Variants in DISP3 observed in about 807,000 individuals in gnomAD.
DISP3 encodes protein dispatched homolog 3.
Under a neutral mutation model 135.3 loss-of-function variants are expected in DISP3, and 101 were observed. The observed-to-expected ratio is 0.75, with a 90% CI of 0.64 to 0.88. The LOEUF (loss-of-function observed/expected upper bound fraction) is 0.88. Among genes scored for constraint, DISP3 ranks in the 40% least tolerant of loss-of-function variants. The pLI is 0.00. For synonymous variants in DISP3, 856 were observed against 817.0 expected (o/e 1.05, Z -0.81); for missense variants, 1,713 against 1,878.6 (o/e 0.91, Z 1.63).
chr1:11,492,792 T>G (rs1641226166), intron 1 of DISP3, among the ~76,000 whole-genome samples: 2 of 152,184 alleles, frequency 1.3e-5, no homozygotes, highest in South Asian at 4.1e-4. Context: ...CAGGATCTTC[T>G]TGCTGGGGAA....
At position 11,516,692 on chromosome 1, in the gene DISP3, T is replaced by G. The variant is rs1289282725; in HGVS notation, c.1749+531T>G. Among the ~76,000 whole-genome samples the G allele has an allele frequency of 1.4e-4, 21 of 152,306 alleles. No homozygotes were observed. The highest frequency in any genetic ancestry group is 4.1e-4 in the South Asian group (2 of 4,824). On this transcript the variant is annotated intron_variant, in intron 6 of 20. Transcript: ENST00000294484. This position sits in a 1 kb window ranked among gnomAD's most constrained non-coding sequence, Gnocchi z 5.1. Reference sequence around the variant, plus strand: ...AAGGCATTGAGCCCAGGCTGGGTCCTTGGTACAGAAAGACAGTGAATTGGC... The same window carrying G: ...AAGGCATTGAGCCCAGGCTGGGTCCGTGGTACAGAAAGACAGTGAATTGGC...
intron 10 of DISP3, among the ~76,000 whole-genome samples, chr1:11,522,390 G>A (rs935681807): frequency 2.0e-5 from 3 of 152,062 alleles, no homozygotes; most frequent in Admixed American, 6.5e-5. Flanking sequence ...CTCACACTTC[G>A]GAGCCAGCCC....
At chr1:11,489,320 A>G (rs960765173) in intron 1 of DISP3, among the ~76,000 whole-genome samples, 7 of 152,224 alleles carry the variant, frequency 4.6e-5, no homozygotes, top group Non-Finnish European at 1.0e-4. Flanking sequence ...CTCTGGACCC[A>G]CAGATTGTGG....
rs758298493 is a variant in DISP3 at position 11,531,041 on chromosome 1, G to A, written c.3229+8G>A. The A allele has an allele frequency of 1.2e-6, 2 of 1,613,208 alleles. No individual in the cohort carries two copies. Among genetic ancestry groups the A allele is most frequent in the East Asian group, 4.5e-5 (2 of 44,876 alleles). On this transcript the variant is annotated splice_region_variant and intron_variant, in intron 16 of 20. Transcript: ENST00000294484. This position sits in a 1 kb window ranked among gnomAD's most constrained non-coding sequence, Gnocchi z 5.2. ...CCCAGTGCCTGCCTTCAGGTGCGTG[G>A]GGTGTGGGGAGCTGGTTCCTCCGAG...
chr1:11,496,584 T>C (rs1049136431), intron 1 of DISP3, among the ~76,000 whole-genome samples: 1 of 152,220 alleles, frequency 6.6e-6, no homozygotes, highest in Admixed American at 6.5e-5. Context: ...CTGGAGCTCC[T>C]TGCTAAGCTA....
At position 11,499,649 on chromosome 1, in the gene DISP3, C is replaced by A. The variant is rs1041358830; in HGVS notation, c.-3-1341C>A. ...CCTCTCCCCCACATCCTCAGTCATT[C>A]TTCCTTTCTGTTTCTTCTTTTGTTT... On this transcript the variant is annotated intron_variant, in intron 1 of 20. Transcript: ENST00000294484. This position sits in a 1 kb window ranked among gnomAD's most constrained non-coding sequence, Gnocchi z 5.2. Among the ~76,000 whole-genome samples the A allele has an allele frequency of 6.6e-6, 1 of 152,092 alleles. No individual in the cohort carries two copies. The highest frequency in any genetic ancestry group is 1.5e-5 in the Non-Finnish European group (1 of 68,014).
intron 1 of DISP3, 105 bp downstream of exon 1, chr1:11,479,477 C>G (rs1640831233): frequency 6.6e-6 from 1 of 152,350 alleles, no homozygotes; most frequent in Non-Finnish European, 1.5e-5. Context: ...CCCCGACCTG[C>G]TTGGCGCCGC....
At chr1:11,503,884 A>G (rs1200349656) in intron 3 of DISP3, among the ~76,000 whole-genome samples, 1 of 152,164 alleles carries the variant, frequency 6.6e-6, no homozygotes, top group Non-Finnish European at 1.5e-5. Context: ...TGGAGTCACT[A>G]AGAGATGAGC....
chr1:11,484,477 C>T (rs1451286823), intron 1 of DISP3, among the ~76,000 whole-genome samples: 1 of 152,226 alleles, frequency 6.6e-6, no homozygotes, highest in Admixed American at 6.5e-5. Context: ...TCTGCCAAAA[C>T]CTGGAAGGAA....
At chr1:11,527,195 A>G (rs961882442) in intron 13 of DISP3, among the ~76,000 whole-genome samples, 8 of 151,860 alleles carry the variant, frequency 5.3e-5, no homozygotes, top group African/African-American at 1.9e-4. Flanking sequence ...TTGGCCTCCC[A>G]AAGTGCTGGG....
At chr1:11,500,432 T>C (rs1433618268) in intron 1 of DISP3, among the ~76,000 whole-genome samples, 1 of 152,224 alleles carries the variant, frequency 6.6e-6, no homozygotes, top group Non-Finnish European at 1.5e-5. Flanking sequence ...TTCTATTTTA[T>C]AGATGAGGAC....
chr1:11,481,383 C>T (rs1284255500), intron 1 of DISP3: 2 of 152,210 alleles, frequency 1.3e-5, no homozygotes, highest in Non-Finnish European at 2.9e-5. Flanking sequence ...GTGATCTCTC[C>T]AAGGGGCCAA....
chr1:11,519,866 G>T lies in DISP3; in HGVS notation c.2186G>T (p.Arg729Leu). 2 of 1,608,548 alleles carry T rather than the reference G, an allele frequency of 1.2e-6. No homozygotes were observed. Among genetic ancestry groups the T allele is most frequent in the Non-Finnish European group, 8.5e-7 (1 of 1,178,068 alleles). ...HWVLWSAVKS[R>L]WVIVGLFVSI... Reference sequence around the variant, plus strand: ...GTCCTGTGGTCAGCCGTCAAGAGCCGCTGGGTGATTGTGGGTAAGTGGGCC... The same window carrying T: ...GTCCTGTGGTCAGCCGTCAAGAGCCTCTGGGTGATTGTGGGTAAGTGGGCC... The change falls in exon 9 of 21, where the codon CGC becomes CTC. Residue 729 changes from arginine to leucine, a missense_variant. Coordinates refer to ENST00000294484, the MANE Select transcript of DISP3 (RefSeq NM_020780.2). This position sits in a 1 kb window ranked among gnomAD's most constrained non-coding sequence, Gnocchi z 4.3.
Position 11,485,207 on chromosome 1 carries a change from C to T in DISP3, c.-4+5835C>T, listed in dbSNP as rs550891300. Among the ~76,000 whole-genome samples, 4 of 152,112 alleles carry T rather than the reference C, an allele frequency of 2.6e-5. No individual in the cohort carries two copies. The South Asian group carries it at 8.3e-4, about 32-fold the overall frequency. ...CAGTAGAAGAGGGACCCAGCTGTCC[C>T]CTGGGGCTGAGACGGCATGATCCAG... On this transcript the variant is annotated intron_variant, in intron 1 of 20. Transcript: ENST00000294484.
rs914913794 is a variant in DISP3 at position 11,531,795 on chromosome 1, G to A, written c.3375+85G>A. 1.7e-5 allele frequency: 25 copies of A among 1,479,604 alleles called. No homozygotes were observed. Among genetic ancestry groups the A allele is most frequent in the African/African-American group, 1.4e-5 (1 of 69,820 alleles). The allele number at this position is 1,479,604 out of a possible 1,614,324, so 91.7% of individuals were successfully genotyped here. On this transcript the variant is annotated intron_variant, in intron 17 of 20. Transcript: ENST00000294484. The surrounding 1 kb of genome is among the most constrained non-coding windows in gnomAD (Gnocchi z 5.2). Reference sequence around the variant, plus strand: ...CTGATCCCAGCCCTCTTCCCAGATCGGGGGGGAGATGCTGAGGCCCAGAGA... The same window carrying A: ...CTGATCCCAGCCCTCTTCCCAGATCAGGGGGGAGATGCTGAGGCCCAGAGA...
rs1323928746 is a variant in DISP3, at chr1:11,514,408, T to TG, written c.1341dup (p.Thr448AspfsTer5). 3 of 1,612,700 alleles carry TG rather than the reference T, an allele frequency of 1.9e-6. No individual in the cohort carries two copies. Among genetic ancestry groups the TG allele is most frequent in the Non-Finnish European group, 2.5e-6 (3 of 1,178,786 alleles). Reference sequence around the variant, plus strand: ...CCCCCAGCAAAGTCCAGGTTCTCTATGGGGGGACAGACCTGTTTGACTATG... The same window carrying TG: ...CCCCCAGCAAAGTCCAGGTTCTCTATGGGGGGGACAGACCTGTTTGACTATG... On this transcript the variant is annotated frameshift_variant, in exon 4 of 21. Coordinates refer to ENST00000294484, the MANE Select transcript of DISP3 (RefSeq NM_020780.2). LOFTEE classifies it high-confidence loss of function.
In DISP3 at chr1:11,491,875, C is replaced by A. The variant is rs1045798554; in HGVS notation, c.-3-9115C>A. ...CGGTGGCTCACGCCTGTAATCCCAG[C>A]ACTTTGGGAGGCCGAGGCGGGCGGA... On this transcript the variant is annotated intron_variant, in intron 1 of 20. Transcript: ENST00000294484. The surrounding 1 kb of genome is among the most constrained non-coding windows in gnomAD (Gnocchi z 4.3). Among the ~76,000 whole-genome samples, 23 of 152,100 alleles carry A rather than the reference C, an allele frequency of 1.5e-4. No individual in the cohort carries two copies. The highest frequency in any genetic ancestry group is 2.6e-4 in the Admixed American group (4 of 15,296).
intron 1 of DISP3, among the ~76,000 whole-genome samples, chr1:11,480,884 C>T (rs1271947937): frequency 1.3e-5 from 2 of 151,506 alleles, no homozygotes; most frequent in Non-Finnish European, 2.9e-5. Context: ...CTTACAGAAT[C>T]TCCATTTTCA....
At chr1:11,514,300 C>A in intron 3 of DISP3, 90 bp from the exon 4 acceptor site, 2 of 1,432,808 alleles carry the variant, frequency 1.4e-6, no homozygotes, top group Non-Finnish European at 9.7e-7. Context: ...AAGTGGACAG[C>A]TCCTGATACT....
Sources: allele counts gnomAD v4.1 joint callset (sites outside exome capture counted in the v4.1 genomes callset), GRCh38; gene constraint gnomAD v4.1.1; non-coding constraint Gnocchi (gnomAD v3.1); transcripts MANE v1.5; gene names NCBI Gene and HGNC (gene_info 2026-07-23, HGNC 2026-07-21).